Variants in CRPPA observed in about 807,000 individuals in gnomAD.
CRPPA encodes the protein CDP-L-ribitol pyrophosphorylase A, also known as D-ribitol-5-phosphate cytidylyltransferase.
CRPPA carries 43 observed loss-of-function variants against 52.0 expected under a neutral mutation model. That is an observed-to-expected ratio of 0.83 (90% CI 0.65 to 1.07). CRPPA has a LOEUF of 1.07. CRPPA is among the 50% of genes least tolerant of loss of function. The pLI is 0.00. For missense variants in CRPPA, 629 were observed against 551.7 expected (o/e 1.14, Z -1.40); for synonymous variants, 250 against 203.5 (o/e 1.23, Z -1.94).
chr7:16,301,315 G>A, intron 5 of CRPPA, 106 bp downstream of exon 5: 1 of 872,444 alleles, frequency 1.1e-6, no homozygotes, highest in South Asian at 1.5e-5. Context: ...TTGGCCTACA[G>A]GCTTTTCTGC....
chr7:16,116,600 T>C (rs1782375232), intron 9 of CRPPA, among the ~76,000 whole-genome samples: 1 of 140,360 alleles, frequency 7.1e-6, no homozygotes, highest in African/African-American at 2.7e-5. Flanking sequence ...AGATGGAGGT[T>C]GCAGTGAGCC....
chr7:16,418,767 C>A (rs79158118), intron 1 of CRPPA, among the ~76,000 whole-genome samples: 2 of 152,074 alleles, frequency 1.3e-5, no homozygotes, highest in African/African-American at 2.4e-5. Context: ...CTTTAACATG[C>A]GGGGTTATGG....
chr7:16,373,614 C>T (rs540783652), intron 3 of CRPPA, among the ~76,000 whole-genome samples: 107 of 152,240 alleles, frequency 7.0e-4, no homozygotes, highest in African/African-American at 2.2e-3. Flanking sequence ...GAACACAGAA[C>T]GGGTCAGCCT....
chr7:16,212,507 C>T (rs982112388), intron 9 of CRPPA, among the ~76,000 whole-genome samples: 1 of 152,196 alleles, frequency 6.6e-6, no homozygotes, highest in Non-Finnish European at 1.5e-5. Context: ...ACAGTTCCCT[C>T]TCTGAACTCT....
chr7:16,216,255 G>GA (rs1782306744), intron 8 of CRPPA, 58 bp from the exon 9 acceptor site: 4 of 1,146,108 alleles, frequency 3.5e-6, no homozygotes, highest in South Asian at 1.5e-5. Context: ...TCTCTGGAGG[G>GA]AAAAAACATT....
At position 16,106,695 on chromosome 7, in the gene CRPPA, A is replaced by G. The variant is rs1390755120; in HGVS notation, c.1252-14896T>C. ...GAGGGGGCTGCTGTCTCAAATGTAC[A>G]GACAACAATGCAAAGACATAATAAT... On this transcript the variant is annotated intron_variant, in intron 9 of 9. Transcript: ENST00000407010. Among the ~76,000 whole-genome samples, 4 of 152,314 alleles carry G rather than the reference A, an allele frequency of 2.6e-5. No individual in the cohort carries two copies. In the East Asian group the frequency reaches 5.8e-4, roughly 22 times the overall value.
Position 16,143,947 on chromosome 7 carries a change from T to C in CRPPA, c.1252-52148A>G, listed in dbSNP as rs1438532839. 3.3e-5 allele frequency among the ~76,000 whole-genome samples: 5 copies of C among 152,200 alleles called. No individual in the cohort carries two copies. The Middle Eastern group carries it at 0.01, about 311-fold the overall frequency. ...CATTTGAAGGGGTATATTAACAAGA[T>C]GGGGGAACAGGAGGTCCTCACGCTG... On this transcript the variant is annotated intron_variant, in intron 9 of 9. Transcript: ENST00000407010.
intron 9 of CRPPA, among the ~76,000 whole-genome samples, chr7:16,177,393 T>C (rs994535747): frequency 2.6e-5 from 4 of 152,142 alleles, no homozygotes; most frequent in African/African-American, 9.7e-5. Context: ...TAATTCAACT[T>C]TTTGTAAAAC....
At chr7:16,342,495 A>G (rs1168799800) in intron 3 of CRPPA, among the ~76,000 whole-genome samples, 2 of 152,058 alleles carry the variant, frequency 1.3e-5, no homozygotes, top group Non-Finnish European at 2.9e-5. Context: ...ATTTGTATTT[A>G]GTACTGAAAT....
chr7:16,378,950 A>G (rs1450921841), intron 2 of CRPPA, among the ~76,000 whole-genome samples: 2 of 151,768 alleles, frequency 1.3e-5, no homozygotes, highest in East Asian at 3.9e-4. Context: ...CCACTTTTTG[A>G]TGGGGTTGTT....
Position 16,379,693 on chromosome 7 carries a change from AGAGGTC to A in CRPPA, c.535-3458_535-3453del, listed in dbSNP as rs1787020609. On this transcript the variant is annotated intron_variant, in intron 2 of 9. Coordinates refer to ENST00000407010, the MANE Select transcript of CRPPA (RefSeq NM_001101426.4). Reference sequence around the variant, plus strand: ...AGCAGTGGTTTGTAGTTCTCCTTGAAGAGGTCCTTCACATCCCTTGTAAGTTGGATT... The same window carrying A: ...AGCAGTGGTTTGTAGTTCTCCTTGAACTTCACATCCCTTGTAAGTTGGATT... Among the ~76,000 whole-genome samples, 14 of 152,286 alleles carry A rather than the reference AGAGGTC, an allele frequency of 9.2e-5. No homozygotes were observed. In the South Asian group the frequency reaches 2.9e-3, roughly 32 times the overall value.
chr7:16,159,697 A>G (rs1452132993), intron 9 of CRPPA, among the ~76,000 whole-genome samples: 1 of 152,220 alleles, frequency 6.6e-6, no homozygotes, highest in Non-Finnish European at 1.5e-5. Flanking sequence ...ATAGCAGAAT[A>G]ATTTATAATC....
intron 2 of CRPPA, among the ~76,000 whole-genome samples, chr7:16,394,118 A>G (rs983726682): frequency 3.3e-5 from 5 of 152,146 alleles, no homozygotes; most frequent in Non-Finnish European, 5.9e-5. Flanking sequence ...ATTTGGCATC[A>G]TCTAGTAAAG....
At chr7:16,325,019 G>A (rs920822946) in intron 3 of CRPPA, among the ~76,000 whole-genome samples, 2 of 152,022 alleles carry the variant, frequency 1.3e-5, no homozygotes, top group African/African-American at 2.4e-5. Flanking sequence ...CTGCTAATTC[G>A]GCTACTGATG....
chr7:16,102,698 T>C (rs1583356551), intron 9 of CRPPA, among the ~76,000 whole-genome samples: 1 of 150,140 alleles, frequency 6.7e-6, no homozygotes, highest in African/African-American at 2.5e-5. Flanking sequence ...CCAACAAACA[T>C]GTGAAAAAAA....
chr7:16,383,554 A>C (rs1311600735), intron 2 of CRPPA, among the ~76,000 whole-genome samples: 1 of 152,154 alleles, frequency 6.6e-6, no homozygotes, highest in African/African-American at 2.4e-5. Context: ...AAGTCTGCAG[A>C]GGTTACTGCT....
At chr7:16,286,044 A>AAAAAAAAAAT (rs1784429583) in intron 5 of CRPPA, among the ~76,000 whole-genome samples, 2 of 12,546 alleles carry the variant, frequency 1.6e-4, no homozygotes, top group Admixed American at 1.7e-3. Context: ...AAAAAATATA[A>AAAAAAAAAAT]ATATATATAT....
At chr7:16,242,658 T>C (rs1215343187) in intron 8 of CRPPA, among the ~76,000 whole-genome samples, 4 of 152,208 alleles carry the variant, frequency 2.6e-5, no homozygotes, top group Admixed American at 6.5e-5. Context: ...ATAATTCTGA[T>C]AGAATTTTAT....
intron 5 of CRPPA, among the ~76,000 whole-genome samples, chr7:16,286,403 T>C (rs1784449705): frequency 6.6e-6 from 1 of 152,004 alleles, no homozygotes; most frequent in East Asian, 1.9e-4. Flanking sequence ...TTATCTGTAT[T>C]CATATCTATA....
Sources: gnomAD v4.1 joint callset for allele counts (sites outside exome capture counted in the v4.1 genomes callset) on GRCh38, gnomAD v4.1.1 for gene constraint, MANE v1.5 for transcripts, NCBI Gene and HGNC (gene_info 2026-07-23, HGNC 2026-07-21) for gene names.